Variants in PPP2R3A observed in about 807,000 individuals in gnomAD.
PPP2R3A encodes serine/threonine-protein phosphatase 2A regulatory subunit B'' subunit alpha.
In PPP2R3A, 80 loss-of-function variants were observed where a neutral mutation model predicts 106.9. That is an observed-to-expected ratio of 0.75 (90% CI 0.62 to 0.90). PPP2R3A has a LOEUF of 0.90. PPP2R3A is among the 40% of genes least tolerant of loss of function. The probability of loss-of-function intolerance (pLI) is 0.00; values close to 1 mark genes in which losing one functional copy is unlikely to be tolerated. For synonymous variants in PPP2R3A, 483 were observed against 468.3 expected, an observed-to-expected ratio of 1.03 and a Z score of -0.41; for missense variants, 1,386 against 1,350.4, an observed-to-expected ratio of 1.03 and a Z score of -0.41.
At chr3:136,059,443 C>T (rs2107884408) in intron 5 of PPP2R3A, among the ~76,000 whole-genome samples, 1 of 152,216 alleles carries the variant, frequency 6.6e-6, no homozygotes, top group Non-Finnish European at 1.5e-5. Context: ...CATCTCACAC[C>T]AGTCAGAATG....
intron 10 of PPP2R3A, among the ~76,000 whole-genome samples, chr3:136,091,585 C>G (rs1221730083): frequency 2.6e-5 from 4 of 152,032 alleles, no homozygotes; most frequent in African/African-American, 9.7e-5. Context: ...CCATTATACT[C>G]CATCCTGGGT....
intron 10 of PPP2R3A, among the ~76,000 whole-genome samples, chr3:136,095,282 A>G (rs774636437): frequency 2.6e-5 from 4 of 152,204 alleles, no homozygotes; most frequent in African/African-American, 4.8e-5. Flanking sequence ...AATGTTACCA[A>G]CAAAGGTTTT....
chr3:136,106,650 G>A (rs1009778032), intron 13 of PPP2R3A: 37 of 263,808 alleles, frequency 1.4e-4, no homozygotes, highest in Non-Finnish European at 3.6e-5. Flanking sequence ...GGCCGGGCAC[G>A]GTGGCTCACG....
chr3:136,094,064 C>T (rs920998776), intron 10 of PPP2R3A, among the ~76,000 whole-genome samples: 2 of 152,208 alleles, frequency 1.3e-5, no homozygotes, highest in African/African-American at 2.4e-5. Context: ...ATACATACTA[C>T]ACACGACTGG....
chr3:136,027,825 C>T (rs538103138), intron 3 of PPP2R3A, among the ~76,000 whole-genome samples: 2 of 152,248 alleles, frequency 1.3e-5, no homozygotes, highest in South Asian at 4.2e-4. Context: ...GTAGTTTAGG[C>T]TGTGCTTCAA....
In PPP2R3A at chr3:136,002,194, C is replaced by T. The variant is rs34629706; in HGVS notation, c.696C>T (p.Cys232=). The T allele has an allele frequency of 0.074, 119,226 of 1,613,220 alleles. 5,285 individuals are homozygous for T. The highest frequency in any genetic ancestry group is 0.08 in the Non-Finnish European group (93,960 of 1,179,648). ...CTTCTGGGACAGACATAAAGATGTG[C>T]TTGGACATCTTATTGAAATGCTCCG... ...NFSSGTDIKM[C]LDILLKCSED... Residue 232 remains cysteine, a synonymous_variant, in exon 2 of 14, where the codon TGC becomes TGT. Transcript: ENST00000264977.
intron 7 of PPP2R3A, among the ~76,000 whole-genome samples, chr3:136,080,877 G>A (rs1255379127): frequency 6.6e-6 from 1 of 152,074 alleles, no homozygotes; most frequent in Non-Finnish European, 1.5e-5. Flanking sequence ...TTATGTTGTT[G>A]TTAGTTTGCC....
Position 136,026,814 on chromosome 3 carries a change from A to T in PPP2R3A, c.1996-18A>T. On this transcript the variant is annotated intron_variant, in intron 2 of 13. Transcript: ENST00000264977. ...CTGTTTAAATTTTTTGTGTCTCATAATCTTATTTTTCTTTTAGATTCAAAA... is the reference window on the plus strand; with the variant it reads ...CTGTTTAAATTTTTTGTGTCTCATATTCTTATTTTTCTTTTAGATTCAAAA... The T allele has an allele frequency of 6.3e-7, 1 of 1,583,002 alleles. No homozygotes were observed. The highest frequency in any genetic ancestry group is 8.6e-7 in the Non-Finnish European group (1 of 1,164,558).
chr3:136,036,804 C>G (rs1461515902), intron 3 of PPP2R3A, among the ~76,000 whole-genome samples: 1 of 152,214 alleles, frequency 6.6e-6, no homozygotes, highest in Non-Finnish European at 1.5e-5. Flanking sequence ...CCCCTCAGTC[C>G]TCAGAGACTT....
At chr3:136,087,229 A>T (rs1417894443) in intron 8 of PPP2R3A, among the ~76,000 whole-genome samples, 2 of 139,390 alleles carry the variant, frequency 1.4e-5, no homozygotes, top group African/African-American at 5.2e-5. Context: ...AAATGAAAGA[A>T]CAGGTCTCTA....
chr3:136,102,257 A>G, intron 11 of PPP2R3A, 75 bp downstream of exon 11: 5 of 1,479,316 alleles, frequency 3.4e-6, no homozygotes, highest in Non-Finnish European at 4.6e-6. Context: ...AGATTGTCCT[A>G]AATTATTTAA....
chr3:135,984,300 C>G (rs770690875), intron 1 of PPP2R3A, among the ~76,000 whole-genome samples: 1 of 152,192 alleles, frequency 6.6e-6, no homozygotes, highest in Non-Finnish European at 1.5e-5. Flanking sequence ...AACCTGGACT[C>G]AAATCACAGT....
chr3:136,123,221 G>T (rs1019355181), intron 13 of PPP2R3A, among the ~76,000 whole-genome samples: 55 of 152,268 alleles, frequency 3.6e-4, no homozygotes, highest in Non-Finnish European at 7.1e-4. Flanking sequence ...GTACAGGAGA[G>T]ATGGACTATA....
intron 1 of PPP2R3A, among the ~76,000 whole-genome samples, chr3:136,000,194 C>G (rs913463540): frequency 6.6e-6 from 1 of 152,130 alleles, no homozygotes; most frequent in African/African-American, 2.4e-5. Flanking sequence ...CATTTTTCTC[C>G]CCAACACATG....
chr3:136,128,422 A>G (rs1938269581), intron 13 of PPP2R3A, among the ~76,000 whole-genome samples: 1 of 152,180 alleles, frequency 6.6e-6, no homozygotes, highest in Non-Finnish European at 1.5e-5. Flanking sequence ...GAGACAAAGA[A>G]GGCCATTACA....
intron 1 of PPP2R3A, among the ~76,000 whole-genome samples, chr3:135,966,586 C>T (rs1358506371): frequency 1.3e-5 from 2 of 151,978 alleles, no homozygotes; most frequent in Non-Finnish European, 2.9e-5. Flanking sequence ...ATGTTGCATC[C>T]GAACTCTGTT....
intron 2 of PPP2R3A, 105 bp from the exon 3 acceptor site, chr3:136,026,727 A>T: frequency 9.3e-7 from 1 of 1,070,298 alleles, no homozygotes; most frequent in Non-Finnish European, 1.3e-6. Flanking sequence ...TGAGCCCTTA[A>T]TCTCTCCTGT....
At chr3:136,013,373 T>G (rs1476531131) in intron 2 of PPP2R3A, among the ~76,000 whole-genome samples, 1 of 152,190 alleles carries the variant, frequency 6.6e-6, no homozygotes, top group African/African-American at 2.4e-5. Flanking sequence ...AGATACCCAG[T>G]AGTGGGATTG....
intron 13 of PPP2R3A, chr3:136,106,599 AC>A (rs2107974691): frequency 2.6e-6 from 1 of 384,276 alleles, no homozygotes; most frequent in Non-Finnish European, 4.7e-6. Flanking sequence ...ATATTGATAA[AC>A]CCTGTACATA....
Sources: gnomAD v4.1 joint callset for allele counts (sites outside exome capture counted in the v4.1 genomes callset) on GRCh38, gnomAD v4.1.1 for gene constraint, MANE v1.5 for transcripts, NCBI Gene and HGNC (gene_info 2026-07-23, HGNC 2026-07-21) for gene names.